The following CAMTA1 variants were observed in gnomAD, a reference collection of about 807,000 sequenced individuals.
CAMTA1 encodes the protein calmodulin binding transcription activator 1, also known as calmodulin-binding transcription activator 1.
Under a neutral mutation model 170.9 loss-of-function variants are expected in CAMTA1, and 27 were observed. That is an observed-to-expected ratio of 0.16 (90% CI 0.12 to 0.22). The LOEUF (loss-of-function observed/expected upper bound fraction) is 0.22, where lower values mean the gene tolerates loss of function less well. Ranked by LOEUF, CAMTA1 falls within the 10% of genes least tolerant of loss-of-function variation. The pLI is 1.00. For synonymous variants in CAMTA1, 833 were observed against 891.5 expected, an observed-to-expected ratio of 0.93 and a Z score of 1.17; for missense variants, 1,619 against 2,217.2, an observed-to-expected ratio of 0.73 and a Z score of 5.42.
At chr1:7,020,952 C>T (rs1701255390) in intron 3 of CAMTA1, among the ~76,000 whole-genome samples, 1 of 152,262 alleles carries the variant, frequency 6.6e-6, no homozygotes, top group Admixed American at 6.5e-5. Flanking sequence ...AGCACTTCTT[C>T]TCCATCCCAG....
Position 7,205,040 on chromosome 1 carries a change from A to G in CAMTA1, c.303-44451A>G, listed in dbSNP as rs189757442. ...GAGACGGGGTTTCACCATGTTAGCC[A>G]GGATGGTCTCGACTTCCTGACCTCG... On this transcript the variant is annotated intron_variant, in intron 4 of 22. Coordinates refer to ENST00000303635, the MANE Select transcript of CAMTA1 (RefSeq NM_015215.4). 6.6e-5 allele frequency among the ~76,000 whole-genome samples: 10 copies of G among 152,062 alleles called. No individual in the cohort carries two copies. The East Asian group carries it at 1.9e-3, about 29-fold the overall frequency.
chr1:7,233,000 G>A (rs1253217964), intron 4 of CAMTA1, among the ~76,000 whole-genome samples: 1 of 150,702 alleles, frequency 6.6e-6, no homozygotes, highest in Non-Finnish European at 1.5e-5. Context: ...TCTTAGGTAG[G>A]TGGGGGGTAG....
At chr1:6,861,766 A>G (rs958479064) in intron 3 of CAMTA1, among the ~76,000 whole-genome samples, 1 of 152,180 alleles carries the variant, frequency 6.6e-6, no homozygotes, top group Non-Finnish European at 1.5e-5. Context: ...CCATTTAAAC[A>G]TTCACATTGC....
At chr1:6,974,073 C>G (rs1191381610) in intron 3 of CAMTA1, among the ~76,000 whole-genome samples, 1 of 152,190 alleles carries the variant, frequency 6.6e-6, no homozygotes, top group Non-Finnish European at 1.5e-5. Context: ...TGTCTGAAGA[C>G]AGACAGACAG....
intron 6 of CAMTA1, among the ~76,000 whole-genome samples, chr1:7,568,332 A>G (rs1309954953): frequency 2.1e-5 from 3 of 143,060 alleles, no homozygotes; most frequent in Non-Finnish European, 4.4e-5. Context: ...CAGGATCACC[A>G]GCATCATCAC....
intron 5 of CAMTA1, among the ~76,000 whole-genome samples, chr1:7,255,495 C>A (rs1490396138): frequency 3.9e-5 from 6 of 152,094 alleles, no homozygotes; most frequent in Non-Finnish European, 8.8e-5. Context: ...ACTTCTGATT[C>A]TCCCCCGCCC....
chr1:7,074,190 CAGAA>C (rs759655161), intron 3 of CAMTA1, among the ~76,000 whole-genome samples: 2 of 152,140 alleles, frequency 1.3e-5, no homozygotes, highest in Non-Finnish European at 2.9e-5. Flanking sequence ...TGTGAAATGA[CAGAA>C]AGATCAGAAA....
intron 4 of CAMTA1, among the ~76,000 whole-genome samples, chr1:7,241,261 C>CTGT (rs941495635): frequency 2.6e-5 from 4 of 152,126 alleles, no homozygotes; most frequent in African/African-American, 7.2e-5. Context: ...ATATTGAAAA[C>CTGT]TACAAAGTCT....
intron 22 of CAMTA1, among the ~76,000 whole-genome samples, chr1:7,756,136 T>A (rs74802718): frequency 6.6e-6 from 1 of 152,010 alleles, no homozygotes; most frequent in African/African-American, 2.4e-5. Context: ...TTTTTTTTTT[T>A]AATGAATCTA....
rs1709056510 is a variant in CAMTA1 at position 7,067,105 on chromosome 1, G to A, written c.235-24199G>A. ...GCTTGGAATGCCCCAGTCCCCACAC[G>A]GGGCACCCCCTTACCCATAGCACTG... On this transcript the variant is annotated intron_variant, in intron 3 of 22. Coordinates refer to ENST00000303635, the MANE Select transcript of CAMTA1 (RefSeq NM_015215.4). This position sits in a 1 kb window ranked among gnomAD's most constrained non-coding sequence, Gnocchi z 4.3. 6.6e-6 allele frequency among the ~76,000 whole-genome samples: 1 copy of A among 152,238 alleles called. No homozygotes were observed. The highest frequency in any genetic ancestry group is 1.5e-5 in the Non-Finnish European group (1 of 68,042).
At chr1:6,895,455 G>C (rs1410514427) in intron 3 of CAMTA1, among the ~76,000 whole-genome samples, 3 of 152,186 alleles carry the variant, frequency 2.0e-5, no homozygotes, top group Non-Finnish European at 4.4e-5. Context: ...TCTCCAGTTT[G>C]CTCCCCTTGG....
At chr1:7,016,445 A>G (rs1048840418) in intron 3 of CAMTA1, among the ~76,000 whole-genome samples, 4 of 152,234 alleles carry the variant, frequency 2.6e-5, no homozygotes, top group Non-Finnish European at 5.9e-5. Context: ...ATGGACCACA[A>G]TGGGTAACAG....
At chr1:7,340,328 C>T (rs909442914) in intron 5 of CAMTA1, among the ~76,000 whole-genome samples, 2 of 152,086 alleles carry the variant, frequency 1.3e-5, no homozygotes, top group Non-Finnish European at 2.9e-5. Flanking sequence ...ATTCTTCCTG[C>T]CCCCACTAGC....
At chr1:7,519,028 C>G (rs952165449) in intron 6 of CAMTA1, among the ~76,000 whole-genome samples, 1 of 152,026 alleles carries the variant, frequency 6.6e-6, no homozygotes, top group African/African-American at 2.4e-5. Context: ...TGGCCTTCCT[C>G]CCTGCCCCAT....
At chr1:6,906,317 C>G (rs898481295) in intron 3 of CAMTA1, among the ~76,000 whole-genome samples, 1 of 152,124 alleles carries the variant, frequency 6.6e-6, no homozygotes. Context: ...CAATACTGAG[C>G]CCAGTGCATT....
chr1:7,655,836 C>A (rs1377880386), intron 7 of CAMTA1, among the ~76,000 whole-genome samples: 1 of 152,176 alleles, frequency 6.6e-6, no homozygotes, highest in Admixed American at 6.5e-5. Context: ...GGACCTTTAG[C>A]CACAGAGCCT....
At position 6,846,109 on chromosome 1, in the gene CAMTA1, G is replaced by A. The variant is rs551009211; in HGVS notation, c.234+20899G>A. On this transcript the variant is annotated intron_variant, in intron 3 of 22. Transcript: ENST00000303635. ...GATTCAATTATCTCCACCTGGCCCC[G>A]CCCTTGACACATGGGAATTATTACA... Among the ~76,000 whole-genome samples, 28 of 152,278 alleles carry A rather than the reference G, an allele frequency of 1.8e-4. No homozygotes were observed. In the South Asian group the frequency reaches 1.9e-3, roughly 10 times the overall value.
At chr1:7,359,142 C>T (rs2085350546) in intron 5 of CAMTA1, among the ~76,000 whole-genome samples, 1 of 152,212 alleles carries the variant, frequency 6.6e-6, no homozygotes, top group African/African-American at 2.4e-5. Flanking sequence ...GTCTCATTTG[C>T]TCTTGCTCTG....
intron 6 of CAMTA1, among the ~76,000 whole-genome samples, chr1:7,639,934 C>G (rs1482671875): frequency 6.6e-6 from 1 of 152,096 alleles, no homozygotes; most frequent in Admixed American, 6.5e-5. Flanking sequence ...TGGGGGCATC[C>G]CGCAAGCTGT....
Sources: gnomAD v4.1 joint callset for allele counts (sites outside exome capture counted in the v4.1 genomes callset) on GRCh38, gnomAD v4.1.1 for gene constraint, Gnocchi (gnomAD v3.1) non-coding constraint, MANE v1.5 for transcripts, NCBI Gene and HGNC (gene_info 2026-07-23, HGNC 2026-07-21) for gene names.